ARMH3: variants seen among roughly 807,000 people sequenced by gnomAD.
ARMH3 encodes armadillo-like helical domain-containing protein 3.
A neutral mutation model predicts 99.1 loss-of-function variants in ARMH3; 60 were observed. That is an observed-to-expected ratio of 0.61 (90% CI 0.49 to 0.75). The LOEUF is 0.75. ARMH3 is among the 30% of genes least tolerant of loss of function. The pLI, the probability that ARMH3 is intolerant of heterozygous loss-of-function variation, is 0.00. For synonymous variants in ARMH3, 285 were observed against 292.8 expected (o/e 0.97, Z 0.27); for missense variants, 679 against 843.1 (o/e 0.81, Z 2.41).
intron 20 of ARMH3, among the ~76,000 whole-genome samples, chr10:101,967,186 A>G (rs1440454699): frequency 6.6e-6 from 1 of 152,210 alleles, no homozygotes; most frequent in Non-Finnish European, 1.5e-5. Context: ...TTTCACAGTG[A>G]CTAATAAAAG....
chr10:101,888,458 G>A (rs1172964349), intron 24 of ARMH3, among the ~76,000 whole-genome samples: 1 of 152,236 alleles, frequency 6.6e-6, no homozygotes, highest in Non-Finnish European at 1.5e-5. Context: ...TGGGAATACT[G>A]AGAAGCTTGT....
intron 20 of ARMH3, among the ~76,000 whole-genome samples, 196 bp downstream of exon 20, chr10:101,975,016 C>A (rs189534633): frequency 4.9e-5 from 6 of 121,234 alleles, no homozygotes; most frequent in African/African-American, 1.6e-4. Flanking sequence ...ACATGTGACA[C>A]ACCCAGGTCT....
intron 23 of ARMH3, among the ~76,000 whole-genome samples, chr10:101,923,219 G>A (rs1180835607): frequency 2.0e-5 from 3 of 152,120 alleles, no homozygotes; most frequent in Non-Finnish European, 4.4e-5. Context: ...AGAAATTCCT[G>A]AAATCTGATC....
intron 21 of ARMH3, among the ~76,000 whole-genome samples, chr10:101,957,351 G>C (rs781091333): frequency 6.6e-6 from 1 of 152,122 alleles, no homozygotes; most frequent in Non-Finnish European, 1.5e-5. Flanking sequence ...CATAGAGACC[G>C]CAGTAGTATA....
chr10:101,926,328 C>T (rs1843506131), intron 23 of ARMH3, among the ~76,000 whole-genome samples: 3 of 152,182 alleles, frequency 2.0e-5, no homozygotes, highest in African/African-American at 7.2e-5. Flanking sequence ...GCTGAGACTA[C>T]AGGCATGTGC....
chr10:102,026,291 T>C (rs946507715), intron 5 of ARMH3, among the ~76,000 whole-genome samples: 10 of 152,334 alleles, frequency 6.6e-5, no homozygotes, highest in Admixed American at 5.9e-4. Flanking sequence ...TCAATAAATA[T>C]GTGAGCATCT....
chr10:102,045,852 T>C (rs1402489296), intron 1 of ARMH3, among the ~76,000 whole-genome samples: 1 of 152,110 alleles, frequency 6.6e-6, no homozygotes, highest in Admixed American at 6.6e-5. Context: ...CCCAGCACTT[T>C]GGGAGGCCGA....
intron 19 of ARMH3, among the ~76,000 whole-genome samples, chr10:101,979,074 T>A (rs561612429): frequency 1.3e-5 from 2 of 151,918 alleles, no homozygotes; most frequent in Admixed American, 1.3e-4. Flanking sequence ...AGCTCCAGAG[T>A]TTGAAGCTAT....
intron 16 of ARMH3, 58 bp from the exon 17 acceptor site, chr10:101,993,661 C>A: frequency 3.4e-6 from 4 of 1,169,434 alleles, no homozygotes; most frequent in Non-Finnish European, 5.0e-6. Flanking sequence ...AAACTGTAAT[C>A]TATCACACTT....
intron 20 of ARMH3, among the ~76,000 whole-genome samples, chr10:101,962,043 T>C (rs139565839): frequency 1.3e-5 from 2 of 152,352 alleles, no homozygotes; most frequent in East Asian, 3.9e-4. Flanking sequence ...ACCAAAGGCC[T>C]GACTCCTGGT....
At chr10:102,000,184 G>C (rs540458553) in intron 15 of ARMH3, among the ~76,000 whole-genome samples, 4 of 152,298 alleles carry the variant, frequency 2.6e-5, no homozygotes, top group Non-Finnish European at 5.9e-5. Context: ...AAATGTTCAT[G>C]AGTATATAGG....
At chr10:101,945,274 C>T (rs1281582992) in intron 22 of ARMH3, among the ~76,000 whole-genome samples, 1 of 152,184 alleles carries the variant, frequency 6.6e-6, no homozygotes, top group Non-Finnish European at 1.5e-5. Flanking sequence ...AAGGAATCCT[C>T]ATCTTTCTGG....
chr10:102,014,378 C>T (rs1288277182), intron 8 of ARMH3, among the ~76,000 whole-genome samples: 6 of 152,198 alleles, frequency 3.9e-5, no homozygotes, highest in Non-Finnish European at 8.8e-5. Context: ...TCCTACCCTA[C>T]CAATAATTTA....
intron 2 of ARMH3, 66 bp from the exon 3 acceptor site, chr10:102,033,405 C>A: frequency 6.8e-7 from 1 of 1,475,116 alleles, no homozygotes; most frequent in Non-Finnish European, 9.2e-7. Context: ...GAATACTATA[C>A]ATAGTCAACC....
intron 23 of ARMH3, among the ~76,000 whole-genome samples, chr10:101,910,709 G>A (rs951866244): frequency 2.7e-5 from 4 of 147,572 alleles, no homozygotes; most frequent in African/African-American, 5.0e-5. Context: ...TCCAGCCTGC[G>A]TGACAGAGCA....
At chr10:102,030,473 C>G (rs996428787) in intron 4 of ARMH3, among the ~76,000 whole-genome samples, 1 of 152,114 alleles carries the variant, frequency 6.6e-6, no homozygotes, top group Admixed American at 6.5e-5. Flanking sequence ...CTTTGGGAGG[C>G]TGAGGCAAGT....
chr10:102,008,613 C>T (rs903945209), intron 13 of ARMH3, among the ~76,000 whole-genome samples: 4 of 151,842 alleles, frequency 2.6e-5, no homozygotes, highest in Non-Finnish European at 5.9e-5. Context: ...AGTGCAATGG[C>T]GCGACTTCGG....
chr10:101,853,776 C>G (rs2066665996), intron 24 of ARMH3, among the ~76,000 whole-genome samples: 2 of 152,136 alleles, frequency 1.3e-5, no homozygotes, highest in Admixed American at 1.3e-4. Flanking sequence ...CACCTATGAC[C>G]CTTAGGAGAC....
intron 24 of ARMH3, among the ~76,000 whole-genome samples, chr10:101,864,032 G>T (rs1284879289): frequency 2.9e-5 from 4 of 136,108 alleles, no homozygotes. Flanking sequence ...CTACACTCCA[G>T]CCTGGGCAAC....
Sources: gnomAD v4.1 joint callset for allele counts (sites outside exome capture counted in the v4.1 genomes callset) on GRCh38, gnomAD v4.1.1 for gene constraint, MANE v1.5 for transcripts, NCBI Gene and HGNC (gene_info 2026-07-23, HGNC 2026-07-21) for gene names.